ATRX: variants seen among roughly 807,000 people sequenced by gnomAD.
The protein encoded by ATRX is ATRX chromatin remodeler.
Under a neutral mutation model 172.6 loss-of-function variants are expected in ATRX, and 12 were observed. The ratio of observed to expected loss-of-function variants is 0.07; its 90% CI spans 0.04 to 0.11. The LOEUF (loss-of-function observed/expected upper bound fraction) is 0.11. Ranked by LOEUF, ATRX falls within the 10% of genes least tolerant of loss-of-function variation. The pLI is 1.00. For missense variants in ATRX, 1,368 were observed against 1,767.4 expected (o/e 0.77, Z 4.05); for synonymous variants, 674 against 594.7 (o/e 1.13, Z -1.94).
intron 1 of ATRX, among the ~76,000 whole-genome samples, chrX:77,750,820 G>A (rs782147937): frequency 3.8e-4 from 42 of 110,950 alleles, no homozygotes; most frequent in Non-Finnish European, 7.5e-4. Flanking sequence ...GACAATGATG[G>A]CTTACAGCTT....
intron 30 of ATRX, among the ~76,000 whole-genome samples, chrX:77,552,912 A>T (rs1047338000): frequency 2.1e-4 from 23 of 111,461 alleles, no homozygotes; most frequent in African/African-American, 7.2e-4. Context: ...AGACAAAAAA[A>T]CCTCATAAAA....
At chrX:77,748,574 TTTTTTA>T (rs1411015999) in intron 1 of ATRX, among the ~76,000 whole-genome samples, 6 of 111,179 alleles carry the variant, frequency 5.4e-5, no homozygotes, top group South Asian at 3.7e-4. Flanking sequence ...ACTAAAAAGG[TTTTTTA>T]TTTTTATTTT....
chrX:77,525,349 C>T (rs1557043311), intron 30 of ATRX, among the ~76,000 whole-genome samples: 2 of 111,793 alleles, frequency 1.8e-5, no homozygotes, highest in Non-Finnish European at 3.8e-5. Context: ...AAAGATAGGG[C>T]TTTCTTAAAT....
At chrX:77,571,900 G>C (rs962503773) in intron 28 of ATRX, among the ~76,000 whole-genome samples, 1 of 110,982 alleles carries the variant, frequency 9.0e-6, no homozygotes, top group African/African-American at 3.3e-5. Context: ...AAACAACAAC[G>C]TTACAAATGG....
chrX:77,717,019 T>C (rs934453223), intron 2 of ATRX, 112 bp downstream of exon 2: 1 of 649,337 alleles, frequency 1.5e-6, no homozygotes, highest in African/African-American at 2.2e-5. Flanking sequence ...TTCCACAAAC[T>C]GAAATCTCTT....
At chrX:77,611,453 TG>T (rs1557093959) in intron 22 of ATRX, among the ~76,000 whole-genome samples, 1 of 112,020 alleles carries the variant, frequency 8.9e-6, no homozygotes, top group Admixed American at 9.5e-5. Flanking sequence ...CAACCACATT[TG>T]GAAATTACTA....
At position 77,516,083 on chromosome X, in the gene ATRX, G is replaced by A. The variant is rs187411577; in HGVS notation, c.7200+4705C>T. ...ACACTGGGGCTGACCAGAGGTTGGA[G>A]GCTGAGAGGAGGGAGATGATCAGGA... is the stretch of plus-strand genomic sequence containing the variant. On this transcript the variant is annotated intron_variant, in intron 34 of 34. Transcript: ENST00000373344. Among the ~76,000 whole-genome samples, 7 of 111,543 alleles carry A rather than the reference G, an allele frequency of 6.3e-5. No homozygotes were observed. In the East Asian group the frequency reaches 2.0e-3, roughly 31 times the overall value.
intron 20 of ATRX, among the ~76,000 whole-genome samples, chrX:77,619,392 C>T (rs1338714292): frequency 9.0e-6 from 1 of 110,785 alleles, no homozygotes; most frequent in Non-Finnish European, 1.9e-5. Context: ...AGCTACTAAG[C>T]AAGTTAATTT....
Position 77,717,619 on chromosome X carries a change from AG to A in ATRX, c.21-377del, listed in dbSNP as rs1353297536. Among the ~76,000 whole-genome samples, 3 of 109,406 alleles carry A rather than the reference AG, an allele frequency of 2.7e-5. No individual in the cohort carries two copies. The South Asian group carries it at 1.2e-3, about 42-fold the overall frequency. ...CCTGTCTCAAAAAAAAAAAAAAAAA[AG>A]AATTCTATTTCACTAAGAATATAAA... On this transcript the variant is annotated intron_variant, in intron 1 of 34. Coordinates refer to ENST00000373344, the MANE Select transcript of ATRX (RefSeq NM_000489.6).
intron 25 of ATRX, chrX:77,594,668 C>T (rs949586687): frequency 2.7e-5 from 3 of 111,957 alleles, no homozygotes; most frequent in South Asian, 3.7e-4. Context: ...GTTAAAACTT[C>T]GGATGAAGCT....
intron 1 of ATRX, among the ~76,000 whole-genome samples, chrX:77,785,116 TGGTTAAGA>T (rs782536186): frequency 9.0e-6 from 1 of 111,603 alleles, no homozygotes; most frequent in Non-Finnish European, 1.9e-5. Flanking sequence ...CGTGCTTGAT[TGGTTAAGA>T]GGAGGCCTGC....
chrX:77,672,941 G>A (rs1472759255), intron 10 of ATRX, among the ~76,000 whole-genome samples: 1 of 111,126 alleles, frequency 9.0e-6, no homozygotes, highest in Non-Finnish European at 1.9e-5. Context: ...CAAAATAAGC[G>A]AATAAAGAAA....
Position 77,725,369 on chromosome X carries a change from G to A in ATRX, c.21-8126C>T, listed in dbSNP as rs142491649. The stretch of plus-strand genomic sequence containing the variant: ...CAAACCTGACAAAAACAAAAAATGG[G>A]GAAAGAATTCCCTATTTAACAAATG... On this transcript the variant is annotated intron_variant, in intron 1 of 34. Coordinates refer to ENST00000373344, the MANE Select transcript of ATRX (RefSeq NM_000489.6). 3.2e-3 allele frequency among the ~76,000 whole-genome samples: 353 copies of A among 111,689 alleles called. 4 individuals carry two copies. Among genetic ancestry groups the A allele is most frequent in the Non-Finnish European group, 3.3e-3 (173 of 53,142 alleles).
intron 25 of ATRX, among the ~76,000 whole-genome samples, chrX:77,598,128 T>C (rs1215943702): frequency 8.9e-6 from 1 of 111,735 alleles, no homozygotes; most frequent in Non-Finnish European, 1.9e-5. Context: ...TCATGTCCTT[T>C]GCAGCAACAG....
chrX:77,539,357 A>G (rs1026769252), intron 30 of ATRX, among the ~76,000 whole-genome samples: 3 of 111,517 alleles, frequency 2.7e-5, no homozygotes, highest in Non-Finnish European at 5.6e-5. Flanking sequence ...TTAAAAAAAT[A>G]TTAACCCCTT....
Position 77,684,330 on chromosome X carries a change from T to C in ATRX, c.926A>G (p.Tyr309Cys), listed in dbSNP as rs782058125. ...TGGAGAAAATCTGGATGTATGTTCA[T>C]ATACTTTATTACTCTTTTCACTGTC... ...KVDSEKSNKV[Y>C]EHTSRFSPKK... The change falls in exon 9 of 35, where the codon TAT becomes TGT. Residue 309 changes from tyrosine (Y) to cysteine (C), a missense_variant. By Grantham distance (194) the Tyr-to-Cys change is radical (BLOSUM62 -2). Transcript: ENST00000373344. 3 of 1,209,065 alleles carry C rather than the reference T, an allele frequency of 2.5e-6. No homozygotes were observed. The East Asian group carries it at 8.9e-5, about 36-fold the overall frequency.
chrX:77,555,520 G>GCA (rs199597969), intron 30 of ATRX, among the ~76,000 whole-genome samples: 7,300 of 111,568 alleles, frequency 0.065, 253 homozygotes, highest in African/African-American at 0.13. Context: ...GGAATACTAT[G>GCA]CAGCCATAAA....
chrX:77,545,917 A>AG (rs1557053167), intron 30 of ATRX, among the ~76,000 whole-genome samples: 52 of 111,217 alleles, frequency 4.7e-4, no homozygotes, highest in Non-Finnish European at 7.5e-4. Flanking sequence ...TAAGTTCAGC[A>AG]CCAAAGACAA....
intron 28 of ATRX, among the ~76,000 whole-genome samples, chrX:77,559,342 C>T (rs961363457): frequency 9.8e-6 from 1 of 101,613 alleles, no homozygotes; most frequent in Non-Finnish European, 2.0e-5. Context: ...AGCAAGAAGA[C>T]AGACACGGGG....
Sources: allele counts gnomAD v4.1 joint callset (sites outside exome capture counted in the v4.1 genomes callset), GRCh38; gene constraint gnomAD v4.1.1; transcripts MANE v1.5; gene names NCBI Gene and HGNC (gene_info 2026-07-23, HGNC 2026-07-21).